The following RBFOX1 variants were observed in gnomAD, a reference collection of about 807,000 sequenced individuals.
RBFOX1 encodes RNA binding protein fox-1 homolog 1.
RBFOX1 carries 8 observed loss-of-function variants against 57.7 expected under a neutral mutation model. The ratio of observed to expected loss-of-function variants is 0.14; its 90% confidence interval spans 0.08 to 0.25. RBFOX1 has a LOEUF of 0.25. Ranked by LOEUF, RBFOX1 falls within the 10% of genes least tolerant of loss-of-function variation. The pLI is 1.00. For synonymous variants in RBFOX1, 326 were observed against 222.4 expected (o/e 1.47, Z -4.15); for missense variants, 611 against 548.5 (o/e 1.11, Z -1.14).
chr16:7,007,561 T>C (rs2093372483), intron 3 of RBFOX1, among the ~76,000 whole-genome samples: 1 of 152,178 alleles, frequency 6.6e-6, no homozygotes. Flanking sequence ...TAAATTTGCC[T>C]ACTGTACATT....
At chr16:6,267,045 T>G (rs1228226406) in intron 1 of RBFOX1, among the ~76,000 whole-genome samples, 1 of 152,158 alleles carries the variant, frequency 6.6e-6, no homozygotes, top group Non-Finnish European at 1.5e-5. Flanking sequence ...TAGGTTCTAG[T>G]GAAAAGCGGT....
intron 4 of RBFOX1, among the ~76,000 whole-genome samples, chr16:5,908,125 T>TATATATATACACATATATACAC (rs1567133551): frequency 0.011 from 1,230 of 111,078 alleles, 14 homozygotes; most frequent in Middle Eastern, 0.018. Context: ...TATATACACA[T>TATATATATACACATATATACAC]ATATATATAC....
At chr16:6,880,928 G>A (rs569841466) in intron 3 of RBFOX1, among the ~76,000 whole-genome samples, 4 of 152,282 alleles carry the variant, frequency 2.6e-5, no homozygotes, top group East Asian at 1.9e-4. Context: ...ACAAAAAGAT[G>A]TAAATGCTAC....
chr16:5,517,294 T>G (rs1466731233), intron 2 of RBFOX1, among the ~76,000 whole-genome samples: 1 of 152,178 alleles, frequency 6.6e-6, no homozygotes, highest in Non-Finnish European at 1.5e-5. Flanking sequence ...AGGCCCCTTC[T>G]CAGGGGCTGT....
chr16:7,585,893 G>C (rs991580535), intron 6 of RBFOX1, among the ~76,000 whole-genome samples: 1 of 151,992 alleles, frequency 6.6e-6, no homozygotes, highest in African/African-American at 2.4e-5. Flanking sequence ...TGGTCTTTTT[G>C]TTTGTTCCTT....
chr16:7,540,012 T>TA (rs2082502343), intron 5 of RBFOX1, among the ~76,000 whole-genome samples: 1 of 152,196 alleles, frequency 6.6e-6, no homozygotes, highest in African/African-American at 2.4e-5. Flanking sequence ...CCCTAAAGCA[T>TA]AGAAGGTGCC....
Position 5,771,943 on chromosome 16 carries a change from G to T in RBFOX1, c.319-95360G>T, listed in dbSNP as rs550710484. ...AATCCCAGCACTTTGGGAGGTCGAG[G>T]GGGGTGGATCACGAGGTCAGGATTT... is the stretch of plus-strand genomic sequence containing the variant. On this transcript the variant is annotated intron_variant, in intron 3 of 19. Transcript: ENST00000641259. 9.2e-5 allele frequency among the ~76,000 whole-genome samples: 14 copies of T among 152,256 alleles called. No individual in the cohort carries two copies. In the South Asian group the frequency reaches 1.4e-3, roughly 16 times the overall value.
chr16:5,922,421 A>G (rs2058844378), intron 4 of RBFOX1, among the ~76,000 whole-genome samples: 1 of 152,220 alleles, frequency 6.6e-6, no homozygotes. Context: ...AGGGTGTCTC[A>G]GCTATGGATA....
chr16:7,250,236 G>A (rs970777170), intron 4 of RBFOX1, among the ~76,000 whole-genome samples: 9 of 152,294 alleles, frequency 5.9e-5, no homozygotes, highest in Admixed American at 3.3e-4. Flanking sequence ...TCACTTAGTA[G>A]ACATTTGTGG....
At chr16:5,631,341 G>A (rs1028133488) in intron 3 of RBFOX1, among the ~76,000 whole-genome samples, 1 of 152,244 alleles carries the variant, frequency 6.6e-6, no homozygotes, top group South Asian at 2.1e-4. Flanking sequence ...GGTGGATCAC[G>A]AGGTCAGGAG....
chr16:6,695,900 A>G (rs772587318), intron 3 of RBFOX1, among the ~76,000 whole-genome samples: 1 of 152,138 alleles, frequency 6.6e-6, no homozygotes, highest in Non-Finnish European at 1.5e-5. Flanking sequence ...TATGGGAGGA[A>G]ATTGCATATG....
chr16:6,228,238 G>A (rs1161146765), intron 1 of RBFOX1, among the ~76,000 whole-genome samples: 1 of 152,086 alleles, frequency 6.6e-6, no homozygotes, highest in African/African-American at 2.4e-5. Context: ...TGGGAGAATC[G>A]CTTGAACCTG....
chr16:5,902,213 A>T (rs879602097), intron 4 of RBFOX1, among the ~76,000 whole-genome samples: 5 of 152,148 alleles, frequency 3.3e-5, no homozygotes, highest in Admixed American at 3.3e-4. Context: ...CCCATTAAGT[A>T]CGAATTAATG....
intron 4 of RBFOX1, among the ~76,000 whole-genome samples, chr16:7,418,549 C>G (rs184047818): frequency 1.6e-4 from 25 of 152,322 alleles, no homozygotes; most frequent in Admixed American, 6.5e-4. Flanking sequence ...ATTAAAGTCT[C>G]TACCTGTAAA....
At chr16:5,408,412 G>T (rs1330961620) in intron 1 of RBFOX1, among the ~76,000 whole-genome samples, 1 of 152,138 alleles carries the variant, frequency 6.6e-6, no homozygotes, top group Non-Finnish European at 1.5e-5. Context: ...AGGGTGCCGC[G>T]GTATGAATAG....
At position 6,834,884 on chromosome 16, in the gene RBFOX1, C is replaced by A. The variant is rs529625339; in HGVS notation, c.-16+180234C>A. Among the ~76,000 whole-genome samples the A allele has an allele frequency of 1.8e-3, 247 of 134,868 alleles. 3 individuals are homozygous for A. Among genetic ancestry groups the A allele is most frequent in the Admixed American group, 5.9e-3 (68 of 11,550 alleles). The allele number at this position is 134,868 out of a possible 152,430, so 88.5% of individuals were successfully genotyped here. On this transcript the variant is annotated intron_variant, in intron 3 of 15. Transcript: ENST00000550418. Reference sequence around the variant, plus strand: ...TGGCCAATTAACTTCAAAGGCCTGACTTCTCTATTTTTTTTTTTTTTTTTT... The same window carrying A: ...TGGCCAATTAACTTCAAAGGCCTGAATTCTCTATTTTTTTTTTTTTTTTTT...
At chr16:5,903,879 C>G (rs371990983) in intron 4 of RBFOX1, among the ~76,000 whole-genome samples, 1 of 152,094 alleles carries the variant, frequency 6.6e-6, no homozygotes, top group African/African-American at 2.4e-5. Flanking sequence ...TGGTGCAAGC[C>G]CTGCATGTGC....
intron 8 of RBFOX1, among the ~76,000 whole-genome samples, chr16:7,596,725 G>A (rs2094719809): frequency 6.6e-6 from 1 of 152,172 alleles, no homozygotes; most frequent in African/African-American, 2.4e-5. Context: ...ATTGAGTTAT[G>A]ACCGGTGCAC....
At chr16:7,280,993 T>C (rs868125423) in intron 4 of RBFOX1, among the ~76,000 whole-genome samples, 15 of 76,996 alleles carry the variant, frequency 1.9e-4, no homozygotes, top group Admixed American at 7.9e-4. Flanking sequence ...CCCTCCCTCC[T>C]TCCTTCCTTC....
Sources: allele counts gnomAD v4.1 joint callset (sites outside exome capture counted in the v4.1 genomes callset), GRCh38; gene constraint gnomAD v4.1.1; transcripts MANE v1.5; gene names NCBI Gene and HGNC (gene_info 2026-07-23, HGNC 2026-07-21).